The following CMTM7 variants were observed in gnomAD, a reference collection of about 807,000 sequenced individuals.
CMTM7 encodes the protein CKLF like MARVEL transmembrane domain containing 7.
Under a neutral mutation model 19.3 loss-of-function variants are expected in CMTM7, and 7 were observed. That is an observed-to-expected ratio of 0.36 (90% CI 0.21 to 0.68). The LOEUF is 0.68. Ranked by LOEUF, CMTM7 falls within the 30% of genes least tolerant of loss-of-function variation. The probability of loss-of-function intolerance (pLI) is 0.60; values close to 1 mark genes in which losing one functional copy is unlikely to be tolerated. For synonymous variants in CMTM7, 87 were observed against 99.3 expected, an observed-to-expected ratio of 0.88 and a Z score of 0.74; for missense variants, 193 against 232.6, an observed-to-expected ratio of 0.83 and a Z score of 1.11.
intron 1 of CMTM7, among the ~76,000 whole-genome samples, chr3:32,397,993 C>T (rs1250337277): frequency 2.6e-5 from 4 of 152,182 alleles, no homozygotes; most frequent in Non-Finnish European, 5.9e-5. Flanking sequence ...ATTTAAATTG[C>T]ATCTTGACAG....
intron 1 of CMTM7, among the ~76,000 whole-genome samples, chr3:32,398,878 G>A (rs953987726): frequency 2.0e-5 from 3 of 152,082 alleles, no homozygotes; most frequent in Admixed American, 1.3e-4. Context: ...CCAGCTACTC[G>A]GGAGGTTGAG....
chr3:32,416,474 T>C (rs571327554), intron 1 of CMTM7, among the ~76,000 whole-genome samples: 142 of 110,290 alleles, frequency 1.3e-3, no homozygotes, highest in Non-Finnish European at 1.9e-3. Context: ...CACTGCAAGC[T>C]CCGCTTCCCG....
intron 3 of CMTM7, chr3:32,450,883 T>A (rs1006471797): frequency 6.6e-6 from 1 of 152,232 alleles, no homozygotes; most frequent in Non-Finnish European, 1.5e-5. Context: ...GGACCAAACC[T>A]GGGCTATGAG....
intron 1 of CMTM7, among the ~76,000 whole-genome samples, chr3:32,406,970 C>G (rs967419641): frequency 2.0e-5 from 3 of 152,180 alleles, no homozygotes; most frequent in Admixed American, 6.5e-5. Context: ...AGGGAAATCA[C>G]TAGCAGAAGG....
Position 32,419,240 on chromosome 3 carries a change from C to T in CMTM7, c.160-22600C>T, listed in dbSNP as rs77518156. 5.7e-3 allele frequency among the ~76,000 whole-genome samples: 870 copies of T among 152,228 alleles called. 6 individuals are homozygous for T. Among genetic ancestry groups the T allele is most frequent in the Non-Finnish European group, 9.5e-3 (644 of 68,006 alleles). On this transcript the variant is annotated intron_variant, in intron 1 of 4. Transcript: ENST00000334983. ...TGATTTTTGTAAATTGGTTTTGTATCTCATGACATTACTAAAGTTATTTAT... is the reference window on the plus strand; with the variant it reads ...TGATTTTTGTAAATTGGTTTTGTATTTCATGACATTACTAAAGTTATTTAT...
chr3:32,419,649 T>C (rs1696315263), intron 1 of CMTM7, among the ~76,000 whole-genome samples: 1 of 152,236 alleles, frequency 6.6e-6, no homozygotes. Context: ...ATATGGCTTT[T>C]CTTGTTTTGT....
intron 1 of CMTM7, among the ~76,000 whole-genome samples, chr3:32,421,392 A>G (rs1696340628): frequency 6.6e-6 from 1 of 151,970 alleles, no homozygotes; most frequent in Admixed American, 6.6e-5. Context: ...ATGGACAACA[A>G]CCCTCTTGTT....
At chr3:32,416,381 T>C (rs1382191031) in intron 1 of CMTM7, among the ~76,000 whole-genome samples, 2 of 99,336 alleles carry the variant, frequency 2.0e-5, no homozygotes, top group African/African-American at 4.2e-5. Context: ...TTTTTTTTTT[T>C]TTTTTTTTTT....
chr3:32,450,203 T>C (rs929480273), intron 3 of CMTM7, among the ~76,000 whole-genome samples: 3 of 152,216 alleles, frequency 2.0e-5, no homozygotes, highest in African/African-American at 7.2e-5. Flanking sequence ...CTATTTATAG[T>C]TCAGTGGCCT....
At chr3:32,406,683 C>A (rs1696096112) in intron 1 of CMTM7, among the ~76,000 whole-genome samples, 1 of 152,162 alleles carries the variant, frequency 6.6e-6, no homozygotes, top group South Asian at 2.1e-4. Flanking sequence ...GTCAGCTTCC[C>A]TAAAAGCAGA....
At chr3:32,434,413 C>T (rs535355128) in intron 1 of CMTM7, among the ~76,000 whole-genome samples, 59 of 152,122 alleles carry the variant, frequency 3.9e-4, no homozygotes, top group Admixed American at 1.5e-3. Context: ...CCTCCAGCCT[C>T]GGCCTCCTGA....
rs886758352 is a variant in CMTM7 at position 32,452,581 on chromosome 3, A to G, written c.514+108A>G. 7.0e-6 allele frequency: 8 copies of G among 1,150,264 alleles called. No individual in the cohort carries two copies. The African/African-American group carries it at 1.2e-4, about 17-fold the overall frequency. 71.3% of individuals were successfully genotyped at this position (1,150,264 alleles called of 1,614,324 possible). On this transcript the variant is annotated intron_variant, in intron 4 of 4. Transcript: ENST00000334983. ...CCTGCTGTTGAGAAGGCTGTGTTCC[A>G]AGGGGACTTTAGAAGTAGTATTAGA...
Position 32,454,128 on chromosome 3 carries a change from G to C in CMTM7, c.515-113G>C, listed in dbSNP as rs187614522. On this transcript the variant is annotated intron_variant, in intron 4 of 4. Coordinates refer to ENST00000334983, the MANE Select transcript of CMTM7 (RefSeq NM_138410.4). ...TAATCTCAGTGCAAGTCGGCACTGG[G>C]TGGAGGACACAGGTGCCCCCCTGAG... The C allele has an allele frequency of 6.8e-5, 79 of 1,153,774 alleles. 1 individual carries two copies. The highest frequency in any genetic ancestry group is 6.2e-4 in the Middle Eastern group (3 of 4,814). The allele number at this position is 1,153,774 out of a possible 1,614,324, so 71.5% of individuals were successfully genotyped here.
chr3:32,437,015 C>T (rs937269552), intron 1 of CMTM7, among the ~76,000 whole-genome samples: 26 of 152,358 alleles, frequency 1.7e-4, no homozygotes, highest in African/African-American at 6.0e-4. Flanking sequence ...CGGGTGTACA[C>T]TCAAGCTGCA....
chr3:32,404,171 T>TC (rs1311876310), intron 1 of CMTM7, among the ~76,000 whole-genome samples: 3 of 136,630 alleles, frequency 2.2e-5, no homozygotes, highest in Non-Finnish European at 4.7e-5. Context: ...TCTTTTTTTT[T>TC]TTTTTTGGAG....
intron 1 of CMTM7, 97 bp downstream of exon 1, chr3:32,392,162 A>G (rs1559397537): frequency 8.5e-6 from 8 of 938,784 alleles, no homozygotes; most frequent in Non-Finnish European, 1.1e-5. Flanking sequence ...ACCCGGCCGG[A>G]GCCCAGGGAG....
chr3:32,397,013 TC>T (rs1298099239), intron 1 of CMTM7, among the ~76,000 whole-genome samples: 1 of 152,208 alleles, frequency 6.6e-6, no homozygotes, highest in African/African-American at 2.4e-5. Context: ...CCTCAAGTAA[TC>T]TGTGGTTCAG....
chr3:32,440,751 C>G (rs73066788), intron 1 of CMTM7, among the ~76,000 whole-genome samples: 4,932 of 152,294 alleles, frequency 0.032, 120 homozygotes, highest in East Asian at 0.054. Flanking sequence ...GCACTCCTGC[C>G]TGGGGAACAG....
rs72858829 is a variant in CMTM7 at position 32,448,172 on chromosome 3, G to A, written c.334-1282G>A. On this transcript the variant is annotated intron_variant, in intron 2 of 4. Transcript: ENST00000334983. ...GCTGAGATACTATTTAAGTACTTCC[G>A]GTTAGGATTCTCTCAAGTTGGTTTT... Among the ~76,000 whole-genome samples the A allele has an allele frequency of 2.6e-3, 389 of 152,262 alleles. 1 individual carries two copies. Among genetic ancestry groups the A allele is most frequent in the African/African-American group, 8.8e-3 (366 of 41,552 alleles).
Sources: gnomAD v4.1 joint callset for allele counts (sites outside exome capture counted in the v4.1 genomes callset) on GRCh38, gnomAD v4.1.1 for gene constraint, MANE v1.5 for transcripts, NCBI Gene and HGNC (gene_info 2026-07-23, HGNC 2026-07-21) for gene names.